LRRN2: variants seen among roughly 807,000 people sequenced by gnomAD.
LRRN2 encodes the protein leucine rich repeat neuronal 2, also known as leucine-rich repeat neuronal protein 2.
A neutral mutation model predicts 35.7 loss-of-function variants in LRRN2; 10 were observed. That is an observed-to-expected ratio of 0.28 (90% CI 0.17 to 0.47). The LOEUF is 0.47. Ranked by LOEUF, LRRN2 falls within the 20% of genes least tolerant of loss-of-function variation. LRRN2 has a pLI of 0.99. For missense variants in LRRN2, 731 were observed against 940.3 expected, an observed-to-expected ratio of 0.78 and a Z score of 2.91; for synonymous variants, 391 against 409.6, an observed-to-expected ratio of 0.95 and a Z score of 0.55.
At chr1:204,656,180 A>G (rs1668351555) in intron 1 of LRRN2, among the ~76,000 whole-genome samples, 1 of 152,194 alleles carries the variant, frequency 6.6e-6, no homozygotes, top group African/African-American at 2.4e-5. Flanking sequence ...AAGTGCTGGG[A>G]TTACAGGTGT....
intron 1 of LRRN2, among the ~76,000 whole-genome samples, chr1:204,681,539 C>T (rs1668956031): frequency 6.6e-6 from 1 of 152,162 alleles, no homozygotes; most frequent in African/African-American, 2.4e-5. Flanking sequence ...AGTGGTGAAG[C>T]CTGGATTTGA....
chr1:204,659,339 G>C (rs1269830548), intron 1 of LRRN2, among the ~76,000 whole-genome samples: 4 of 152,148 alleles, frequency 2.6e-5, no homozygotes, highest in African/African-American at 9.7e-5. Flanking sequence ...TAATGGACAG[G>C]GAGCAGTCCC....
Position 204,619,142 on chromosome 1 carries a change from A to G in LRRN2, c.851T>C (p.Met284Thr). ...QRVGPGDFAN[M>T]LHLKELGLNN... ...CAGTCCCAGCTCCTTAAGGTGCAGC[A>G]TGTTGGCAAAGTCCCCCGGCCCTAC... Residue 284 changes from methionine to threonine, a missense_variant, in exon 2 of 2, where the codon ATG becomes ACG. Met to Thr is a moderately conservative substitution (Grantham distance 81). Around this residue, in one of 3 missense-constraint regions of LRRN2, gnomAD observed 256 missense variants for 392.4 expected, o/e 0.65. Coordinates refer to ENST00000367177, the MANE Select transcript of LRRN2 (RefSeq NM_201630.2). The G allele has an allele frequency of 1.2e-6, 2 of 1,613,838 alleles. No individual in the cohort carries two copies. The highest frequency in any genetic ancestry group is 8.5e-7 in the Non-Finnish European group (1 of 1,179,938).
intron 1 of LRRN2, among the ~76,000 whole-genome samples, chr1:204,635,357 C>T (rs1667808306): frequency 6.6e-6 from 1 of 151,978 alleles, no homozygotes; most frequent in Non-Finnish European, 1.5e-5. Flanking sequence ...GTCTTGGCAG[C>T]CCCAACCTTG....
intron 1 of LRRN2, chr1:204,629,186 T>G (rs904919092): frequency 6.6e-6 from 1 of 152,194 alleles, no homozygotes; most frequent in Non-Finnish European, 1.5e-5. Context: ...AGTGATAGTC[T>G]CTCCTGTCCC....
intron 1 of LRRN2, among the ~76,000 whole-genome samples, chr1:204,683,893 A>C (rs1169396297): frequency 6.6e-6 from 1 of 152,198 alleles, no homozygotes; most frequent in African/African-American, 2.4e-5. Context: ...CAGGCCACCC[A>C]CATGTGGCTT....
At chr1:204,671,577 A>C (rs1668713420) in intron 1 of LRRN2, among the ~76,000 whole-genome samples, 1 of 151,066 alleles carries the variant, frequency 6.6e-6, no homozygotes, top group Admixed American at 6.6e-5. Flanking sequence ...AGGATTCTTA[A>C]AAATGATGGA....
In LRRN2 at chr1:204,630,030, ACCCCAGCATCATGCAATTTT is replaced by A. The variant is rs1667641478; in HGVS notation, c.-226-9832_-226-9813del. 6.6e-5 allele frequency among the ~76,000 whole-genome samples: 10 copies of A among 152,240 alleles called. No homozygotes were observed. In the South Asian group the frequency reaches 2.1e-3, roughly 32 times the overall value. ...CAGGGTGACAGGAGCCGTACTCCAAACCCCAGCATCATGCAATTTTCCTCAGTAACAAATCTGCACATGGA... is the reference window on the plus strand; with the variant it reads ...CAGGGTGACAGGAGCCGTACTCCAAACCTCAGTAACAAATCTGCACATGGA... On this transcript the variant is annotated intron_variant, in intron 1 of 1. Coordinates refer to ENST00000367177, the MANE Select transcript of LRRN2 (RefSeq NM_201630.2).
At chr1:204,637,851 C>T (rs760556923) in intron 1 of LRRN2, among the ~76,000 whole-genome samples, 11 of 152,152 alleles carry the variant, frequency 7.2e-5, no homozygotes, top group Non-Finnish European at 1.5e-4. Flanking sequence ...GTGCTCCCAT[C>T]GCAAAGCAGC....
chr1:204,659,511 T>C (rs1458105345), intron 1 of LRRN2, among the ~76,000 whole-genome samples: 1 of 152,186 alleles, frequency 6.6e-6, no homozygotes, highest in Non-Finnish European at 1.5e-5. Context: ...CAAGTGCTCC[T>C]GGAATGGCTT....
Position 204,638,184 on chromosome 1 carries a change from C to A in LRRN2, c.-226-17966G>T, listed in dbSNP as rs534733897. Among the ~76,000 whole-genome samples, 82 of 148,526 alleles carry A rather than the reference C, an allele frequency of 5.5e-4. 1 individual carries two copies. In the South Asian group the frequency reaches 0.017, roughly 31 times the overall value. Reference sequence around the variant, plus strand: ...GGGGAATATAATCACCAGCACTGATCTCACGCACTACTGTTCGCAGAGCCA... The same window carrying A: ...GGGGAATATAATCACCAGCACTGATATCACGCACTACTGTTCGCAGAGCCA... On this transcript the variant is annotated intron_variant, in intron 1 of 1. Transcript: ENST00000367177.
In LRRN2 at chr1:204,620,100, C is replaced by T. The variant is rs903974718; in HGVS notation, c.-108G>A. The T allele has an allele frequency of 1.2e-5, 18 of 1,480,626 alleles. No individual in the cohort carries two copies. In the Admixed American group the frequency reaches 1.9e-4, roughly 16 times the overall value. 91.7% of individuals were successfully genotyped at this position (1,480,626 alleles called of 1,614,324 possible). ...CCCTGCCAGGGCCCAAGGAACCACCCTCCCAGGGCAGTCATTCTACACCGG... is the reference window on the plus strand; with the variant it reads ...CCCTGCCAGGGCCCAAGGAACCACCTTCCCAGGGCAGTCATTCTACACCGG... On this transcript the variant is annotated 5_prime_UTR_variant, in exon 2 of 2. Coordinates refer to ENST00000367177, the MANE Select transcript of LRRN2 (RefSeq NM_201630.2).
intron 1 of LRRN2, among the ~76,000 whole-genome samples, chr1:204,677,043 G>A (rs529169896): frequency 6.6e-6 from 1 of 152,292 alleles, no homozygotes; most frequent in South Asian, 2.1e-4. Context: ...CACCTCATAA[G>A]CACTCAATAA....
At chr1:204,646,837 T>G (rs1668117375) in intron 1 of LRRN2, among the ~76,000 whole-genome samples, 2 of 152,250 alleles carry the variant, frequency 1.3e-5, no homozygotes, top group Non-Finnish European at 2.9e-5. Flanking sequence ...TATCTCTATA[T>G]TCTAACATAG....
chr1:204,672,900 T>C (rs1668743778), intron 1 of LRRN2, among the ~76,000 whole-genome samples: 1 of 152,190 alleles, frequency 6.6e-6, no homozygotes, highest in Non-Finnish European at 1.5e-5. Context: ...AGACTCACCA[T>C]TTCTCAGAAG....
intron 1 of LRRN2, among the ~76,000 whole-genome samples, chr1:204,636,383 C>T (rs1192506459): frequency 2.0e-5 from 3 of 152,200 alleles, no homozygotes; most frequent in Admixed American, 1.3e-4. Context: ...ATTTGCATCC[C>T]GTTATCTCTG....
Position 204,644,786 on chromosome 1 carries a change from T to C in LRRN2, c.-226-24568A>G, listed in dbSNP as rs1362068184. ...CTGCACATGGTCAGTGCTCAATAAA[T>C]GCAGCTTGGGGTAAAAGAATAAACA... is the stretch of plus-strand genomic sequence containing the variant. On this transcript the variant is annotated intron_variant, in intron 1 of 1. Coordinates refer to ENST00000367177, the MANE Select transcript of LRRN2 (RefSeq NM_201630.2). 2.0e-5 allele frequency among the ~76,000 whole-genome samples: 3 copies of C among 152,182 alleles called. 1 individual carries two copies. Among genetic ancestry groups the C allele is most frequent in the Non-Finnish European group, 4.4e-5 (3 of 68,032 alleles).
chr1:204,642,577 C>T (rs1332232893), intron 1 of LRRN2, among the ~76,000 whole-genome samples: 1 of 152,186 alleles, frequency 6.6e-6, no homozygotes, highest in Non-Finnish European at 1.5e-5. Flanking sequence ...AGTCCCCAAT[C>T]CACCCTCTAT....
At chr1:204,632,386 T>G (rs992200023) in intron 1 of LRRN2, among the ~76,000 whole-genome samples, 1 of 152,118 alleles carries the variant, frequency 6.6e-6, no homozygotes, top group Non-Finnish European at 1.5e-5. Context: ...ATCCCAGCAC[T>G]TTGGGAGGCC....
Sources: gnomAD v4.1 joint callset for allele counts (sites outside exome capture counted in the v4.1 genomes callset) on GRCh38, gnomAD v4.1.1 for gene constraint, gnomAD v4.1.1 regional missense constraint, MANE v1.5 for transcripts, NCBI Gene and HGNC (gene_info 2026-07-23, HGNC 2026-07-21) for gene names.